Variants in EGR2 observed in about 807,000 individuals in gnomAD.
The protein encoded by EGR2 is early growth response 2, also known as E3 SUMO-protein ligase EGR2.
A neutral mutation model predicts 21.2 loss-of-function variants in EGR2; 2 were observed. The ratio of observed to expected loss-of-function variants is 0.09; its 90% CI spans 0.04 to 0.30. The LOEUF (loss-of-function observed/expected upper bound fraction) is 0.30, where lower values mean the gene tolerates loss of function less well. EGR2 is among the 10% of genes least tolerant of loss of function. The pLI is 1.00. For synonymous variants in EGR2, 282 were observed against 258.2 expected (o/e 1.09, Z -0.88); for missense variants, 458 against 630.2 (o/e 0.73, Z 2.93).
At chr10:62,816,379 T>A, upstream of EGR2, 1 of 1,209,116 alleles carries the variant, frequency 8.3e-7, no homozygotes, top group East Asian at 5.3e-5. Flanking sequence ...ACGGAAAGTG[T>A]TGCTCTAAGT....
intron 1 of EGR2, among the ~76,000 whole-genome samples, chr10:62,815,164 G>T (rs1355225945): frequency 4.6e-5 from 7 of 152,260 alleles, no homozygotes; most frequent in African/African-American, 1.7e-4. Flanking sequence ...CGCGGGGGCC[G>T]CGAGAGACGA....
chr10:62,816,285 C>T lies in EGR2; in HGVS notation c.-256G>A. The T allele has an allele frequency of 7.4e-7, 1 of 1,352,450 alleles. No individual in the cohort carries two copies. 83.8% of individuals were successfully genotyped at this position (1,352,450 alleles called of 1,614,324 possible). On this transcript the variant is annotated 5_prime_UTR_variant, in exon 1 of 2. Coordinates refer to ENST00000242480, the MANE Select transcript of EGR2 (RefSeq NM_000399.5). ...TGTCTGTGTTCCGGCTGCTGGGAAG[C>T]CAGGAGTTGCTGGTGTAGTGTTATT...
rs997880732 is a variant in EGR2, at chr10:62,814,193, G to C, written c.445C>G (p.Leu149Val). Residue 149 changes from leucine to valine, a missense_variant, in exon 2 of 2, where the codon CTG becomes GTG. By Grantham distance (32) the Leu-to-Val change is conservative. Transcript: ENST00000242480. The surrounding 1 kb of genome is among the most constrained non-coding windows in gnomAD (Gnocchi z 4.8). The stretch of plus-strand genomic sequence containing the variant: ...GTCTGGGACATGGTGCACACACCCA[G>C]GGGTCCTGTGGCCAGTGGGTTGGGG... ...ASPNPLATGP[L>V]GVCTMSQTQP... is the part of the protein sequence containing the mutation. The C allele has an allele frequency of 3.7e-6, 6 of 1,614,066 alleles. No homozygotes were observed. Among genetic ancestry groups the C allele is most frequent in the Non-Finnish European group, 5.1e-6 (6 of 1,180,018 alleles).
At chr10:62,816,447 C>G, upstream of EGR2, 2 of 1,012,782 alleles carry the variant, frequency 2.0e-6, no homozygotes, top group Non-Finnish European at 2.4e-6. Flanking sequence ...GACTGAGGAA[C>G]AGGGCTGGGC....
upstream of EGR2, among the ~76,000 whole-genome samples, chr10:62,817,336 C>T (rs980712419): frequency 2.6e-5 from 4 of 152,128 alleles, no homozygotes; most frequent in South Asian, 2.1e-4. This position sits in a 1 kb window ranked among gnomAD's most constrained non-coding sequence, Gnocchi z 4.4. Flanking sequence ...TTCCGCTACA[C>T]ACTCCCGCCC....
Position 62,812,890 on chromosome 10 carries a change from GCAAA to G in EGR2, c.*313_*316del. 7.5e-6 allele frequency: 2 copies of G among 265,222 alleles called. No individual in the cohort carries two copies. The highest frequency in any genetic ancestry group is 6.9e-5 in the East Asian group (1 of 14,552). The allele number at this position is 265,222 out of a possible 1,614,324, so 16.4% of individuals were successfully genotyped here. ...GGTCAAAATAAGGGGAAGTGGGGTA[GCAAA>G]ACCTAGTCAAACAACCCTTTAAAGC... On this transcript the variant is annotated 3_prime_UTR_variant, in exon 2 of 2. Coordinates refer to ENST00000242480, the MANE Select transcript of EGR2 (RefSeq NM_000399.5).
Position 62,812,928 on chromosome 10 carries a change from A to T in EGR2, c.*279T>A. ...AAACAACCCTTTAAAGCAGGGTCAG[A>T]CCTCAGCCCTCTTGGCCAGGGGTCC... On this transcript the variant is annotated 3_prime_UTR_variant, in exon 2 of 2. Coordinates refer to ENST00000242480, the MANE Select transcript of EGR2 (RefSeq NM_000399.5). The T allele has an allele frequency of 2.8e-6, 1 of 360,230 alleles. No individual in the cohort carries two copies. The highest frequency in any genetic ancestry group is 5.0e-6 in the Non-Finnish European group (1 of 199,426). The allele number at this position is 360,230 out of a possible 1,614,324, so 22.3% of individuals were successfully genotyped here.
rs1371089090 is a variant in EGR2, at chr10:62,814,005, G to C, written c.633C>G (p.Pro211=). Residue 211 remains proline, a synonymous_variant, in exon 2 of 2, where the codon CCC becomes CCG. Transcript: ENST00000242480. The surrounding 1 kb of genome is among the most constrained non-coding windows in gnomAD (Gnocchi z 4.8). ...AYPPPPSYPS[P]KPATDPGLFP... ...AGAGACCTGGGTCCGTGGCTGGCTT[G>C]GGGGATGGATAGGAAGGAGGTGGTG... 1 of 1,614,062 alleles carries C rather than the reference G, an allele frequency of 6.2e-7. No homozygotes were observed.
At chr10:62,816,897 A>G (rs575466787), upstream of EGR2, among the ~76,000 whole-genome samples, 21 of 152,064 alleles carry the variant, frequency 1.4e-4, no homozygotes, top group Non-Finnish European at 2.8e-4. Context: ...GAGGCAGCGA[A>G]GAAAAAAAAA....
rs114201658 is a variant in EGR2, at chr10:62,815,851, C to A, written c.169+10G>T. ...GCGCAGGTCCGGGCCTGCGAAGACA[C>A]GCGGCTTACCTCCGGCCACTCCGTT... On this transcript the variant is annotated intron_variant, in intron 1 of 1. Coordinates refer to ENST00000242480, the MANE Select transcript of EGR2 (RefSeq NM_000399.5). 1.6e-3 allele frequency: 2,562 copies of A among 1,613,904 alleles called. 38 individuals are homozygous for A. In the African/African-American group the frequency reaches 0.031, roughly 19 times the overall value.
chr10:62,813,814 C>T lies in EGR2; in HGVS notation c.824G>A (p.Gly275Asp). ...LSTIRNFTLG[G>D]PSAGVTGPGA... Reference sequence around the variant, plus strand: ...TGGTCCGGTCACCCCAGCACTGGGGCCCCCCAGGGTAAAGTTACGGATTGT... The same window carrying T: ...TGGTCCGGTCACCCCAGCACTGGGGTCCCCCAGGGTAAAGTTACGGATTGT... The change falls in exon 2 of 2, where the codon GGC becomes GAC. Residue 275 changes from glycine to aspartate, a missense_variant. Gly to Asp is a moderately conservative substitution (Grantham distance 94). Coordinates refer to ENST00000242480, the MANE Select transcript of EGR2 (RefSeq NM_000399.5). The surrounding 1 kb of genome is among the most constrained non-coding windows in gnomAD (Gnocchi z 5.7). 1 of 1,613,818 alleles carries T rather than the reference C, an allele frequency of 6.2e-7. No individual in the cohort carries two copies. The highest frequency in any genetic ancestry group is 1.7e-4 in the Middle Eastern group (1 of 6,060).
Position 62,812,586 on chromosome 10 carries a change from C to G in EGR2, c.*621G>C, listed in dbSNP as rs1842137760. The G allele has an allele frequency of 6.5e-6, 1 of 152,792 alleles. No homozygotes were observed. Among genetic ancestry groups the G allele is most frequent in the South Asian group, 2.1e-4 (1 of 4,828 alleles). The allele number at this position is 152,792 out of a possible 1,614,324, so 9.5% of individuals were successfully genotyped here. On this transcript the variant is annotated 3_prime_UTR_variant, in exon 2 of 2. Transcript: ENST00000242480. ...GCAGATATTGCTATGTTCCTCCCAT[C>G]ACATTGCACTTCTGTTCTCTGAGTT... is the stretch of plus-strand genomic sequence containing the variant.
chr10:62,816,784 G>A (rs1209238676), upstream of EGR2, among the ~76,000 whole-genome samples: 1 of 152,156 alleles, frequency 6.6e-6, no homozygotes, highest in Non-Finnish European at 1.5e-5. Flanking sequence ...TTGTTTGGGA[G>A]CCATTCCGGA....
At position 62,815,910 on chromosome 10, in the gene EGR2, G is replaced by GGGAAA. The variant is rs1272291948; in HGVS notation, c.115_119dup (p.Asn41PhefsTer13). The GGGAAA allele has an allele frequency of 6.2e-7, 1 of 1,614,178 alleles. No individual in the cohort carries two copies. Among genetic ancestry groups the GGGAAA allele is most frequent in the Non-Finnish European group, 8.5e-7 (1 of 1,180,002 alleles). ...CAAAGGGGCCTCCCAGTTCGGCATT[G>GGGAAA]GGAAAGATGGTCACCGACGTGGCGG... On this transcript the variant is annotated frameshift_variant, in exon 1 of 2. Transcript: ENST00000242480. LOFTEE classifies it high-confidence loss of function.
upstream of EGR2, among the ~76,000 whole-genome samples, chr10:62,816,859 C>G (rs1384996339): frequency 6.6e-6 from 1 of 151,982 alleles, no homozygotes; most frequent in Non-Finnish European, 1.5e-5. Context: ...TACTCACTTT[C>G]TTGGCAGCTC....
Position 62,813,567 on chromosome 10 carries a change from C to T in EGR2, c.1071G>A (p.Leu357=). Residue 357 remains leucine, a synonymous_variant, in exon 2 of 2, where the codon CTG becomes CTA. Coordinates refer to ENST00000242480, the MANE Select transcript of EGR2 (RefSeq NM_000399.5). This position sits in a 1 kb window ranked among gnomAD's most constrained non-coding sequence, Gnocchi z 5.7. The stretch of plus-strand genomic sequence containing the variant: ...CAGTGTGGATTCGGATGTGCCGTGT[C>T]AGCTCGTCAGAGCGGGAGAACCGCC... ...CDRRFSRSDE[L]TRHIRIHTGH... is the part of the protein sequence containing the mutation. 1.2e-6 allele frequency: 2 copies of T among 1,611,514 alleles called. No homozygotes were observed. The highest frequency in any genetic ancestry group is 1.7e-6 in the Non-Finnish European group (2 of 1,179,426).
At chr10:62,815,377 G>C (rs1842236741) in intron 1 of EGR2, among the ~76,000 whole-genome samples, 1 of 152,236 alleles carries the variant, frequency 6.6e-6, no homozygotes, top group African/African-American at 2.4e-5. Context: ...CCGCAAGAAG[G>C]GAGCGCTCCG....
chr10:62,816,803 C>T (rs1280709591), upstream of EGR2, among the ~76,000 whole-genome samples: 2 of 152,124 alleles, frequency 1.3e-5, no homozygotes, highest in Admixed American at 6.5e-5. Context: ...GAAAATTAAA[C>T]TTCGGAAAGA....
rs1224622863 is a variant in EGR2 at position 62,814,327 on chromosome 10, C to T, written c.311G>A (p.Gly104Asp). 1.9e-6 allele frequency: 3 copies of T among 1,613,978 alleles called. No individual in the cohort carries two copies. The African/African-American group carries it at 4.0e-5, about 22-fold the overall frequency. Residue 104 changes from glycine (G) to aspartate (D), a missense_variant, in exon 2 of 2, where the codon GGT becomes GAT. Physicochemically the swap from Gly to Asp is moderately conservative, Grantham distance 94. This residue lies in a region of EGR2 where 253 missense variants were observed against 315.5 expected (regional missense o/e 0.80). Coordinates refer to ENST00000242480, the MANE Select transcript of EGR2 (RefSeq NM_000399.5). The surrounding 1 kb of genome is among the most constrained non-coding windows in gnomAD (Gnocchi z 4.8). Reference protein sequence around the residue: ...GKFSIDPQYPGASCYPEGIIN... With the variant: ...GKFSIDPQYPDASCYPEGIIN... ...TATGCCTTCTGGGTAGCAGCTGGCA[C>T]CAGGGTACTGAGGGTCAATGGAGAA...
Sources: gnomAD v4.1 joint callset for allele counts (sites outside exome capture counted in the v4.1 genomes callset) on GRCh38, gnomAD v4.1.1 for gene constraint, gnomAD v4.1.1 regional missense constraint, Gnocchi (gnomAD v3.1) non-coding constraint, MANE v1.5 for transcripts, NCBI Gene and HGNC (gene_info 2026-07-23, HGNC 2026-07-21) for gene names.